The following NAV2 variants were observed in gnomAD, a reference collection of about 807,000 sequenced individuals.
NAV2 encodes the protein neuron navigator 2, also known as helicase, APC down-regulated 1.
NAV2 carries 54 observed loss-of-function variants against 223.2 expected under a neutral mutation model. The observed-to-expected ratio is 0.24, with a 90% CI of 0.19 to 0.30. NAV2 has a LOEUF of 0.30. NAV2 is among the 10% of genes least tolerant of loss of function. The pLI is 1.00. For synonymous variants in NAV2, 1,279 were observed against 1,239.3 expected, an observed-to-expected ratio of 1.03 and a Z score of -0.67; for missense variants, 2,806 against 3,147.5, an observed-to-expected ratio of 0.89 and a Z score of 2.60.
chr11:19,403,998 A>C (rs10219202), intron 1 of NAV2, among the ~76,000 whole-genome samples: 124,173 of 151,634 alleles, frequency 0.82, 51,597 homozygotes, highest in Non-Finnish European at 0.9. Context: ...GTAGTAGCAG[A>C]CTGGGAAATG....
At chr11:20,114,254 G>T in intron 36 of NAV2, 1 of 357,044 alleles carries the variant, frequency 2.8e-6, no homozygotes, top group Non-Finnish European at 5.2e-6. Flanking sequence ...CTTCAAATCA[G>T]GTCATTGTTT....
intron 1 of NAV2, among the ~76,000 whole-genome samples, chr11:19,793,191 A>T (rs1344366097): frequency 7.6e-6 from 1 of 130,924 alleles, no homozygotes; most frequent in Non-Finnish European, 1.6e-5. Flanking sequence ...CTGGCGATAG[A>T]GTGACACTCT....
At chr11:19,939,827 A>G in intron 8 of NAV2, 54 bp downstream of exon 8, 1 of 1,308,560 alleles carries the variant, frequency 7.6e-7, no homozygotes, top group Admixed American at 1.8e-5. Context: ...CCTTCCACGC[A>G]ATACCTGCTG....
At chr11:19,797,859 G>C (rs530601081) in intron 1 of NAV2, among the ~76,000 whole-genome samples, 16 of 152,102 alleles carry the variant, frequency 1.1e-4, no homozygotes, top group Non-Finnish European at 2.4e-4. Flanking sequence ...TGAAGTCACC[G>C]GTGTAAAGCT....
intron 10 of NAV2, among the ~76,000 whole-genome samples, chr11:19,973,545 A>G (rs113261125): frequency 3.9e-5 from 6 of 152,314 alleles, no homozygotes; most frequent in African/African-American, 1.2e-4. Flanking sequence ...TACTTGATCA[A>G]TCTCTCTGCT....
chr11:20,056,820 G>A (rs1463731093), intron 19 of NAV2, among the ~76,000 whole-genome samples: 4 of 152,088 alleles, frequency 2.6e-5, no homozygotes, highest in Admixed American at 1.3e-4. Flanking sequence ...CTGTGCCTCT[G>A]TTTTTTCATG....
At chr11:19,842,311 C>A (rs1187624183) in intron 2 of NAV2, among the ~76,000 whole-genome samples, 1 of 152,190 alleles carries the variant, frequency 6.6e-6, no homozygotes, top group Non-Finnish European at 1.5e-5. Context: ...TTTGGACTTA[C>A]TGTGTGGCGT....
chr11:20,025,999 T>C lies in NAV2; in HGVS notation c.2769-9960T>C, dbSNP rs562536945. Among the ~76,000 whole-genome samples the C allele has an allele frequency of 1.1e-4, 17 of 152,324 alleles. No homozygotes were observed. In the East Asian group the frequency reaches 3.3e-3, roughly 29 times the overall value. ...GTCCCACCAAAATGATTATGCTAAC[T>C]GGATGTTATTAGAACAGTGCCACCC... On this transcript the variant is annotated intron_variant, in intron 11 of 37. Coordinates refer to ENST00000349880, the MANE Select transcript of NAV2 (RefSeq NM_145117.5).
chr11:19,613,136 T>G (rs977563184), intron 1 of NAV2, among the ~76,000 whole-genome samples: 8 of 152,206 alleles, frequency 5.3e-5, no homozygotes, highest in Non-Finnish European at 1.2e-4. Context: ...CCGGCCCCCA[T>G]GATTTCAATT....
chr11:19,564,224 C>T (rs187781634), intron 1 of NAV2, among the ~76,000 whole-genome samples: 2 of 152,194 alleles, frequency 1.3e-5, no homozygotes, highest in African/African-American at 2.4e-5. Context: ...CATTTCAGGG[C>T]ATAGCGCTGG....
intron 6 of NAV2, among the ~76,000 whole-genome samples, chr11:19,897,779 C>A (rs544225235): frequency 2.0e-5 from 3 of 151,790 alleles, no homozygotes; most frequent in African/African-American, 7.3e-5. Context: ...GGAAAACCTG[C>A]AAGTTGTTTG....
chr11:19,618,060 T>C lies in NAV2; in HGVS notation c.76-214424T>C, dbSNP rs535723689. The stretch of plus-strand genomic sequence containing the variant: ...CATCATCTTCTCACATACTCCGTAA[T>C]TTACTTACCTACTGTTTGTTGTCTT... On this transcript the variant is annotated intron_variant, in intron 1 of 37. Transcript: ENST00000360655. Among the ~76,000 whole-genome samples the C allele has an allele frequency of 3.2e-4, 49 of 152,378 alleles. 2 individuals are homozygous for C. The South Asian group carries it at 0.01, about 32-fold the overall frequency.
At chr11:20,088,036 G>A (rs1053745598) in intron 26 of NAV2, among the ~76,000 whole-genome samples, 1 of 152,136 alleles carries the variant, frequency 6.6e-6, no homozygotes, top group Non-Finnish European at 1.5e-5. Flanking sequence ...CAGCAGCCAA[G>A]CAGAGGTAAC....
chr11:19,663,535 C>A (rs528909809), intron 1 of NAV2, among the ~76,000 whole-genome samples: 2 of 152,316 alleles, frequency 1.3e-5, no homozygotes, highest in Admixed American at 1.3e-4. Flanking sequence ...TCCCCTGTCC[C>A]CGACCCCCAT....
At chr11:20,008,244 G>A (rs1457212806) in intron 11 of NAV2, among the ~76,000 whole-genome samples, 1 of 152,030 alleles carries the variant, frequency 6.6e-6, no homozygotes, top group African/African-American at 2.4e-5. Context: ...GCGTGTGCCT[G>A]TAATCCCAGC....
chr11:20,023,225 G>A, intron 11 of NAV2: 1 of 1,121,152 alleles, frequency 8.9e-7, no homozygotes. Flanking sequence ...AAGCCTGGTG[G>A]AGCAGCCTGT....
At position 19,469,837 on chromosome 11, in the gene NAV2, C is replaced by T. The variant is rs116500541; in HGVS notation, c.75+118810C>T. ...TTGAATTTTCTCACCTAGGCAGCTT[C>T]GGCTGGCAAGCAAAGCCCCACAAGA... is the stretch of plus-strand genomic sequence containing the variant. On this transcript the variant is annotated intron_variant, in intron 1 of 37. Coordinates refer to the NAV2 transcript ENST00000360655. 8.9e-3 allele frequency among the ~76,000 whole-genome samples: 1,358 copies of T among 152,320 alleles called. 19 individuals carry two copies. The highest frequency in any genetic ancestry group is 0.031 in the African/African-American group (1,274 of 41,572).
rs183523641 is a variant in NAV2 at position 19,810,552 on chromosome 11, T to A, written c.268-21932T>A. The stretch of plus-strand genomic sequence containing the variant: ...CCTTTACGCTGACATGCTATATAGA[T>A]CAGTATGTAATTTATACTGATAAAC... On this transcript the variant is annotated intron_variant, in intron 1 of 37. Coordinates refer to ENST00000349880, the MANE Select transcript of NAV2 (RefSeq NM_145117.5). 2.5e-4 allele frequency among the ~76,000 whole-genome samples: 38 copies of A among 152,332 alleles called. 1 individual carries two copies. Among genetic ancestry groups the A allele is most frequent in the African/African-American group, 8.2e-4 (34 of 41,574 alleles).
chr11:19,709,352 C>A (rs566000714), upstream of NAV2, among the ~76,000 whole-genome samples: 1 of 151,814 alleles, frequency 6.6e-6, no homozygotes, highest in African/African-American at 2.4e-5. Flanking sequence ...ACCATCCTGG[C>A]TAACATGGTG....
Sources: gnomAD v4.1 joint callset for allele counts (sites outside exome capture counted in the v4.1 genomes callset) on GRCh38, gnomAD v4.1.1 for gene constraint, MANE v1.5 for transcripts, NCBI Gene and HGNC (gene_info 2026-07-23, HGNC 2026-07-21) for gene names.